Variants in NFIB observed in about 807,000 individuals in gnomAD.
NFIB encodes nuclear factor I B, also known as nuclear factor 1 B-type.
A neutral mutation model predicts 61.5 loss-of-function variants in NFIB; 11 were observed. The observed-to-expected ratio is 0.18, with a 90% CI of 0.11 to 0.30. NFIB has a LOEUF of 0.30. Ranked by LOEUF, NFIB falls within the 10% of genes least tolerant of loss-of-function variation. The pLI is 1.00. For synonymous variants in NFIB, 260 were observed against 216.5 expected, an observed-to-expected ratio of 1.20 and a Z score of -1.76; for missense variants, 471 against 608.9, an observed-to-expected ratio of 0.77 and a Z score of 2.38.
chr9:14,384,525 C>T (rs908230536), intron 1 of NFIB, among the ~76,000 whole-genome samples: 2 of 152,104 alleles, frequency 1.3e-5, no homozygotes, highest in Non-Finnish European at 2.9e-5. Context: ...ATCCTTGCTA[C>T]TTCCTCCTCT....
chr9:14,097,414 C>G (rs1333202154), intron 10 of NFIB, among the ~76,000 whole-genome samples: 1 of 152,138 alleles, frequency 6.6e-6, no homozygotes, highest in Non-Finnish European at 1.5e-5. Context: ...GAGAATAAAG[C>G]TCCCCCCAGG....
intron 2 of NFIB, among the ~76,000 whole-genome samples, chr9:14,214,804 C>T (rs1198124668): frequency 1.3e-5 from 2 of 152,162 alleles, no homozygotes; most frequent in African/African-American, 4.8e-5. Flanking sequence ...GAATATCCTG[C>T]TGAGAGCTGT....
the NFIB span, among the ~76,000 whole-genome samples, chr9:14,480,192 A>C: frequency 1.3e-5 from 2 of 152,038 alleles, no homozygotes; most frequent in South Asian, 2.1e-4. Context: ...GAGATGTAGA[A>C]ATTATTGCCC....
chr9:14,495,445 A>ATTTTTTTTTT, the NFIB span, among the ~76,000 whole-genome samples: 2,342 of 97,652 alleles, frequency 0.024, 123 homozygotes, highest in African/African-American at 0.06. Flanking sequence ...AGAGAAATGA[A>ATTTTTTTTTT]CTTTTTTTTT....
the NFIB span, among the ~76,000 whole-genome samples, chr9:14,427,937 G>GTTTT: frequency 2.4e-3 from 105 of 43,400 alleles, 33 homozygotes; most frequent in Admixed American, 8.5e-3. Flanking sequence ...TAATTCAGTT[G>GTTTT]TTTTTTTTTT....
intron 7 of NFIB, among the ~76,000 whole-genome samples, chr9:14,121,837 C>G (rs1437089659): frequency 6.6e-6 from 1 of 152,018 alleles, no homozygotes; most frequent in African/African-American, 2.4e-5. Flanking sequence ...ACTATAACTT[C>G]TCAACATTAG....
intron 1 of NFIB, among the ~76,000 whole-genome samples, chr9:14,308,405 A>T (rs1484631828): frequency 1.3e-5 from 2 of 152,226 alleles, no homozygotes; most frequent in Admixed American, 6.5e-5. Flanking sequence ...TTCAAACTGG[A>T]AAACAAAAAT....
chr9:14,243,413 A>C (rs1174447356), intron 2 of NFIB, among the ~76,000 whole-genome samples: 1 of 152,150 alleles, frequency 6.6e-6, no homozygotes, highest in Non-Finnish European at 1.5e-5. Context: ...AAGAGAAATA[A>C]ATCAGGTGGG....
chr9:14,457,309 CA>C, the NFIB span, among the ~76,000 whole-genome samples: 1 of 152,034 alleles, frequency 6.6e-6, no homozygotes, highest in Non-Finnish European at 1.5e-5. Flanking sequence ...TACCTATTTA[CA>C]AAATTAAATT....
chr9:14,303,656 T>A (rs2059873260), intron 2 of NFIB, among the ~76,000 whole-genome samples: 1 of 152,236 alleles, frequency 6.6e-6, no homozygotes, highest in Admixed American at 6.5e-5. Context: ...GCAATGCGGA[T>A]GCCAACCAAC....
At chr9:14,153,705 G>T (rs978542074) in intron 4 of NFIB, among the ~76,000 whole-genome samples, 1 of 152,082 alleles carries the variant, frequency 6.6e-6, no homozygotes, top group African/African-American at 2.4e-5. Flanking sequence ...TAAAACCCTA[G>T]AGGACTGAAA....
At chr9:14,421,533 C>A in the NFIB span, among the ~76,000 whole-genome samples, 1 of 152,206 alleles carries the variant, frequency 6.6e-6, no homozygotes, top group Non-Finnish European at 1.5e-5. Flanking sequence ...AATGGTAAAT[C>A]AGATTAACTC....
chr9:14,176,303 A>AT (rs1353061625), intron 3 of NFIB, among the ~76,000 whole-genome samples: 3 of 151,840 alleles, frequency 2.0e-5, no homozygotes, highest in Admixed American at 2.0e-4. Context: ...ATATAAATAT[A>AT]TAACTTCTGA....
At chr9:14,222,919 C>T (rs1384424977) in intron 2 of NFIB, among the ~76,000 whole-genome samples, 1 of 152,062 alleles carries the variant, frequency 6.6e-6, no homozygotes, top group African/African-American at 2.4e-5. Flanking sequence ...TCCACTGCTC[C>T]CTCAAGACAT....
intron 2 of NFIB, among the ~76,000 whole-genome samples, chr9:14,285,531 GC>G (rs997324342): frequency 1.3e-5 from 2 of 152,088 alleles, no homozygotes; most frequent in Non-Finnish European, 2.9e-5. Flanking sequence ...CCCTACTGGG[GC>G]CAGAGGAAGT....
chr9:14,477,798 T>C, the NFIB span, among the ~76,000 whole-genome samples: 1 of 152,208 alleles, frequency 6.6e-6, no homozygotes, highest in African/African-American at 2.4e-5. Context: ...TTTTGTTTTG[T>C]TGTTATCATT....
Position 14,307,607 on chromosome 9 carries a change from C to T in NFIB, c.31-87G>A, listed in dbSNP as rs1181528493. ...AAAATAAGAAAAGAAGACCACAACCCGTTTCCAATTCAGTACAAAAAGTTA... is the reference window on the plus strand; with the variant it reads ...AAAATAAGAAAAGAAGACCACAACCTGTTTCCAATTCAGTACAAAAAGTTA... On this transcript the variant is annotated intron_variant, in intron 1 of 10. Transcript: ENST00000380953. This position sits in a 1 kb window ranked among gnomAD's most constrained non-coding sequence, Gnocchi z 5.3. 6 of 1,291,428 alleles carry T rather than the reference C, an allele frequency of 4.6e-6. No homozygotes were observed. The highest frequency in any genetic ancestry group is 5.5e-5 in the Admixed American group (2 of 36,688). 80.0% of individuals were successfully genotyped at this position (1,291,428 alleles called of 1,614,324 possible).
intron 1 of NFIB, among the ~76,000 whole-genome samples, chr9:14,382,556 A>T (rs916902755): frequency 1.2e-4 from 19 of 152,106 alleles, no homozygotes. Flanking sequence ...AATTGTTTGG[A>T]ACTACCATTT....
chr9:14,465,832 G>A, the NFIB span, among the ~76,000 whole-genome samples: 1 of 152,142 alleles, frequency 6.6e-6, no homozygotes, highest in Non-Finnish European at 1.5e-5. Context: ...ATGTTAAGCA[G>A]CATCCCTGCA....
Sources: gnomAD v4.1 joint callset for allele counts (sites outside exome capture counted in the v4.1 genomes callset) on GRCh38, gnomAD v4.1.1 for gene constraint, Gnocchi (gnomAD v3.1) non-coding constraint, MANE v1.5 for transcripts, NCBI Gene and HGNC (gene_info 2026-07-23, HGNC 2026-07-21) for gene names.